Variants in SYN3 observed in about 807,000 individuals in gnomAD.
SYN3 encodes the protein synapsin III.
Under a neutral mutation model 65.8 loss-of-function variants are expected in SYN3, and 35 were observed. The observed-to-expected ratio is 0.53, with a 90% CI of 0.41 to 0.70. The LOEUF (loss-of-function observed/expected upper bound fraction) is 0.70. SYN3 is among the 30% of genes least tolerant of loss of function. SYN3 has a pLI of 0.00. For synonymous variants in SYN3, 270 were observed against 292.9 expected, an observed-to-expected ratio of 0.92 and a Z score of 0.80; for missense variants, 680 against 749.0, an observed-to-expected ratio of 0.91 and a Z score of 1.08.
chr22:32,948,249 G>C (rs1293239100), intron 3 of SYN3, among the ~76,000 whole-genome samples: 2 of 152,152 alleles, frequency 1.3e-5, no homozygotes, highest in East Asian at 3.9e-4. Context: ...AATCACATCT[G>C]CTAAGTTCCT....
At chr22:32,844,715 T>G (rs2146214484) in intron 6 of SYN3, among the ~76,000 whole-genome samples, 1 of 151,328 alleles carries the variant, frequency 6.6e-6, no homozygotes, top group South Asian at 2.1e-4. Flanking sequence ...CTTCTTCCTT[T>G]TTTTTTTTTG....
chr22:32,901,311 T>C (rs1057337778), intron 4 of SYN3, among the ~76,000 whole-genome samples: 1 of 152,230 alleles, frequency 6.6e-6, no homozygotes, highest in African/African-American at 2.4e-5. Flanking sequence ...TGTTGGGTGA[T>C]ACTTAATCCA....
At chr22:32,566,598 A>G (rs1421479134) in intron 7 of SYN3, among the ~76,000 whole-genome samples, 3 of 152,128 alleles carry the variant, frequency 2.0e-5, no homozygotes, top group Non-Finnish European at 2.9e-5. Flanking sequence ...GGGGCTGAAG[A>G]CTTTATCAGG....
intron 4 of SYN3, among the ~76,000 whole-genome samples, chr22:32,894,608 C>T (rs1188499824): frequency 2.6e-5 from 4 of 152,196 alleles, no homozygotes; most frequent in Admixed American, 2.6e-4. Context: ...TGACATGATG[C>T]CTCCACCTGT....
At chr22:32,900,976 T>C (rs751865619) in intron 4 of SYN3, among the ~76,000 whole-genome samples, 2 of 152,238 alleles carry the variant, frequency 1.3e-5, no homozygotes, top group African/African-American at 2.4e-5. Context: ...TAGATGTATC[T>C]AGCATACAGG....
At chr22:32,573,137 A>G (rs1252401109) in intron 7 of SYN3, among the ~76,000 whole-genome samples, 1 of 152,232 alleles carries the variant, frequency 6.6e-6, no homozygotes, top group Non-Finnish European at 1.5e-5. Context: ...TGTTTTCCCC[A>G]GAGAGCCAGT....
chr22:32,566,040 G>C (rs1240580787), intron 7 of SYN3, among the ~76,000 whole-genome samples: 1 of 152,008 alleles, frequency 6.6e-6, no homozygotes, highest in Non-Finnish European at 1.5e-5. Flanking sequence ...ATGGGGTCTT[G>C]CTATGTTGCT....
At chr22:32,999,626 T>A (rs1387269067) in intron 2 of SYN3, among the ~76,000 whole-genome samples, 1 of 152,154 alleles carries the variant, frequency 6.6e-6, no homozygotes, top group Non-Finnish European at 1.5e-5. Flanking sequence ...GAGGTTGCAG[T>A]GAGCTGAGAT....
At chr22:33,036,110 C>A (rs190652745) in intron 1 of SYN3, among the ~76,000 whole-genome samples, 2 of 152,104 alleles carry the variant, frequency 1.3e-5, no homozygotes, top group Non-Finnish European at 2.9e-5. Flanking sequence ...TTTGCCTTAC[C>A]GCCTACCTGC....
chr22:32,596,500 G>A (rs1448107569), intron 7 of SYN3, among the ~76,000 whole-genome samples, 174 bp downstream of exon 7: 1 of 152,178 alleles, frequency 6.6e-6, no homozygotes, highest in Non-Finnish European at 1.5e-5. Context: ...TGTGCACCAG[G>A]AGCTCTGAGG....
At chr22:33,043,446 G>T (rs1288507729) in intron 1 of SYN3, among the ~76,000 whole-genome samples, 2 of 152,208 alleles carry the variant, frequency 1.3e-5, no homozygotes, top group Admixed American at 6.5e-5. Flanking sequence ...TACTGAGGAG[G>T]CTGAGGCAGG....
At chr22:32,569,177 T>C (rs2058711242) in intron 7 of SYN3, among the ~76,000 whole-genome samples, 1 of 152,160 alleles carries the variant, frequency 6.6e-6, no homozygotes, top group Non-Finnish European at 1.5e-5. Flanking sequence ...ATAATATTTA[T>C]ACTCACCCTC....
chr22:32,544,440 C>T (rs933768875), intron 7 of SYN3, among the ~76,000 whole-genome samples: 1 of 152,218 alleles, frequency 6.6e-6, no homozygotes, highest in Non-Finnish European at 1.5e-5. Context: ...GCCCCTCAAC[C>T]CACTTTCTTT....
intron 6 of SYN3, among the ~76,000 whole-genome samples, chr22:32,759,647 T>C (rs111673664): frequency 0.048 from 2,974 of 61,586 alleles, 104 homozygotes; most frequent in East Asian, 0.13. Flanking sequence ...CCCCCAGCAC[T>C]CACCCACCCC....
rs192087484 is a variant in SYN3, at chr22:32,716,942, A to G, written c.712-120206T>C. ...CTCAGATTGCTGTACAACCATTACC[A>G]CCATCCATCTCCAAAACTGTTTCAT... On this transcript the variant is annotated intron_variant, in intron 6 of 13. Transcript: ENST00000358763. 4.2e-4 allele frequency among the ~76,000 whole-genome samples: 64 copies of G among 152,166 alleles called. No homozygotes were observed. In the East Asian group the frequency reaches 7.7e-3, roughly 18 times the overall value.
intron 4 of SYN3, among the ~76,000 whole-genome samples, chr22:32,877,998 A>G (rs749644095): frequency 6.6e-6 from 1 of 152,216 alleles, no homozygotes; most frequent in Non-Finnish European, 1.5e-5. Flanking sequence ...TACAAGGTAG[A>G]TACGATAATA....
At chr22:33,021,454 T>C (rs1401192863) in intron 1 of SYN3, among the ~76,000 whole-genome samples, 1 of 152,220 alleles carries the variant, frequency 6.6e-6, no homozygotes, top group Non-Finnish European at 1.5e-5. Context: ...ACGTAGTGTT[T>C]CACAGCCTAA....
intron 7 of SYN3, among the ~76,000 whole-genome samples, chr22:32,567,328 C>CCCTT (rs1349502108): frequency 4.0e-5 from 5 of 125,500 alleles, no homozygotes; most frequent in African/African-American, 1.6e-4. Flanking sequence ...GATCCTCCCT[C>CCCTT]CCTCCCTCCC....
chr22:32,946,255 C>T (rs1307816248), intron 3 of SYN3, among the ~76,000 whole-genome samples: 18 of 152,146 alleles, frequency 1.2e-4, no homozygotes, highest in South Asian at 2.1e-4. Flanking sequence ...ATGTTTATTG[C>T]GGCACTATTC....
Sources: gnomAD v4.1 joint callset for allele counts (sites outside exome capture counted in the v4.1 genomes callset) on GRCh38, gnomAD v4.1.1 for gene constraint, MANE v1.5 for transcripts, NCBI Gene and HGNC (gene_info 2026-07-23, HGNC 2026-07-21) for gene names.